Variants in ASTN2 observed in about 807,000 individuals in gnomAD.
The protein encoded by ASTN2 is astrotactin 2, also known as astrotactin-2.
In ASTN2, 54 loss-of-function variants were observed where a neutral mutation model predicts 139.8. The observed-to-expected ratio is 0.39, with a 90% CI of 0.31 to 0.48. The LOEUF is 0.48. ASTN2 is among the 20% of genes least tolerant of loss of function. The pLI is 0.95. For synonymous variants in ASTN2, 756 were observed against 719.5 expected, an observed-to-expected ratio of 1.05 and a Z score of -0.81; for missense variants, 1,565 against 1,725.1, an observed-to-expected ratio of 0.91 and a Z score of 1.64.
chr9:117,120,407 A>G (rs1564435767), intron 4 of ASTN2, among the ~76,000 whole-genome samples: 1 of 152,120 alleles, frequency 6.6e-6, no homozygotes, highest in Non-Finnish European at 1.5e-5. Context: ...GTATACAGTA[A>G]TGTCTCCTCT....
rs1325765758 is a variant in ASTN2, at chr9:117,414,953, C to A, written c.-15G>T. On this transcript the variant is annotated 5_prime_UTR_variant, in exon 1 of 23. Coordinates refer to ENST00000313400, the MANE Select transcript of ASTN2 (RefSeq NM_001365068.1). The surrounding 1 kb of genome is among the most constrained non-coding windows in gnomAD (Gnocchi z 4.2). ...GCGGCGGCCATGGCGGGAGGGGCTGCGGTGCTGCGGGCGGCGGCGGCGGTG... is the reference window on the plus strand; with the variant it reads ...GCGGCGGCCATGGCGGGAGGGGCTGAGGTGCTGCGGGCGGCGGCGGCGGTG... 3.8e-6 allele frequency: 1 copy of A among 259,854 alleles called. No homozygotes were observed. Among genetic ancestry groups the A allele is most frequent in the Non-Finnish European group, 6.4e-6 (1 of 156,146 alleles). 16.1% of individuals were successfully genotyped at this position (259,854 alleles called of 1,614,324 possible).
intron 19 of ASTN2, among the ~76,000 whole-genome samples, chr9:116,599,924 C>T (rs929938403): frequency 6.6e-6 from 1 of 152,130 alleles, no homozygotes; most frequent in Admixed American, 6.5e-5. Flanking sequence ...AGCCATCCGT[C>T]TAAGTGGACA....
At chr9:117,262,409 A>ATT (rs1244281307) in intron 2 of ASTN2, among the ~76,000 whole-genome samples, 14 of 79,476 alleles carry the variant, frequency 1.8e-4, no homozygotes, top group Admixed American at 1.4e-3. Flanking sequence ...TTATTTATTT[A>ATT]TTTATTTATT....
At chr9:116,726,702 T>A (rs1430353192) in intron 15 of ASTN2, among the ~76,000 whole-genome samples, 1 of 152,074 alleles carries the variant, frequency 6.6e-6, no homozygotes, top group South Asian at 2.1e-4. Context: ...GCTCTATTTC[T>A]TAGTCCTAGG....
intron 1 of ASTN2, among the ~76,000 whole-genome samples, chr9:117,366,224 A>G (rs759357359): frequency 2.0e-5 from 3 of 152,156 alleles, no homozygotes; most frequent in Non-Finnish European, 2.9e-5. Context: ...GTCCCAATTA[A>G]TACACTCAAT....
chr9:116,839,853 T>C (rs2132300176), intron 11 of ASTN2, among the ~76,000 whole-genome samples: 1 of 124,382 alleles, frequency 8.0e-6, no homozygotes, highest in African/African-American at 3.4e-5. Flanking sequence ...TTATTTTATT[T>C]TATTTCATTA....
chr9:116,949,901 A>T (rs1232438886), intron 10 of ASTN2, among the ~76,000 whole-genome samples: 1 of 152,220 alleles, frequency 6.6e-6, no homozygotes, highest in African/African-American at 2.4e-5. Context: ...GGATTAAATA[A>T]GGCAACTGTA....
chr9:116,669,143 A>AG (rs112954324), intron 16 of ASTN2, among the ~76,000 whole-genome samples: 5 of 152,296 alleles, frequency 3.3e-5, no homozygotes, highest in African/African-American at 1.2e-4. Context: ...CACCATTGCC[A>AG]TGGCAACACC....
At chr9:116,898,918 T>G (rs767199926) in intron 10 of ASTN2, among the ~76,000 whole-genome samples, 5 of 152,148 alleles carry the variant, frequency 3.3e-5, no homozygotes, top group Non-Finnish European at 7.4e-5. Context: ...GTGATCCTCT[T>G]TCTTGCCTTG....
intron 11 of ASTN2, among the ~76,000 whole-genome samples, chr9:116,824,281 C>G (rs1003101770): frequency 6.6e-6 from 1 of 152,224 alleles, no homozygotes; most frequent in East Asian, 1.9e-4. Flanking sequence ...CCCTCCTACA[C>G]TGCACCAGAA....
At position 116,442,565 on chromosome 9, in the gene ASTN2, CAAG is replaced by C. The variant is rs766103286; in HGVS notation, c.3498-15_3498-13del. The C allele has an allele frequency of 1.2e-6, 2 of 1,612,718 alleles. No homozygotes were observed. The highest frequency in any genetic ancestry group is 1.3e-5 in the African/African-American group (1 of 74,958). On this transcript the variant is annotated splice_polypyrimidine_tract_variant and intron_variant, in intron 20 of 22. Transcript: ENST00000313400. ...CATACAGAGTGAACCTGCAGCACAG[CAAG>C]AAAACAGAGCACCAGGCTGTGACTT... is the stretch of plus-strand genomic sequence containing the variant.
At chr9:117,331,614 G>A (rs1828710079) in intron 1 of ASTN2, among the ~76,000 whole-genome samples, 1 of 152,126 alleles carries the variant, frequency 6.6e-6, no homozygotes, top group African/African-American at 2.4e-5. Context: ...TAAATAAATG[G>A]GTGGTGTGCA....
At chr9:117,047,993 C>T (rs946227991) in intron 5 of ASTN2, among the ~76,000 whole-genome samples, 1 of 152,146 alleles carries the variant, frequency 6.6e-6, no homozygotes, top group African/African-American at 2.4e-5. Flanking sequence ...TACTATCACT[C>T]ACATTTTTCG....
intron 2 of ASTN2, among the ~76,000 whole-genome samples, chr9:117,239,861 C>T (rs1833155002): frequency 6.6e-6 from 1 of 152,130 alleles, no homozygotes; most frequent in Non-Finnish European, 1.5e-5. Context: ...AAAGCATTTG[C>T]TGTGTGTTTA....
intron 2 of ASTN2, among the ~76,000 whole-genome samples, chr9:117,217,947 C>T (rs916100019): frequency 2.6e-5 from 4 of 152,188 alleles, no homozygotes; most frequent in African/African-American, 9.6e-5. Flanking sequence ...CACCTATCAT[C>T]ATCCTACATT....
chr9:117,378,524 A>G (rs1311877168), intron 1 of ASTN2, among the ~76,000 whole-genome samples: 1 of 152,192 alleles, frequency 6.6e-6, no homozygotes, highest in African/African-American at 2.4e-5. Flanking sequence ...TCAGGGAGAC[A>G]TTACGAACAT....
chr9:116,944,681 C>CAAAA (rs34943919), intron 10 of ASTN2, among the ~76,000 whole-genome samples: 10 of 53,258 alleles, frequency 1.9e-4, no homozygotes, highest in Non-Finnish European at 2.9e-4. Context: ...GACTCTGTCT[C>CAAAA]AAAAAAAAAA....
At chr9:116,999,912 G>A (rs1335051498) in intron 7 of ASTN2, among the ~76,000 whole-genome samples, 1 of 152,052 alleles carries the variant, frequency 6.6e-6, no homozygotes, top group Non-Finnish European at 1.5e-5. Context: ...CTAAATAAAA[G>A]TTCAGCAGAT....
intron 5 of ASTN2, among the ~76,000 whole-genome samples, chr9:117,070,185 G>A (rs1345845627): frequency 7.7e-6 from 1 of 129,770 alleles, no homozygotes; most frequent in Non-Finnish European, 1.6e-5. Flanking sequence ...TCCTTCAGGA[G>A]CTCTTTTAGG....
Sources: gnomAD v4.1 joint callset for allele counts (sites outside exome capture counted in the v4.1 genomes callset) on GRCh38, gnomAD v4.1.1 for gene constraint, Gnocchi (gnomAD v3.1) non-coding constraint, MANE v1.5 for transcripts, NCBI Gene and HGNC (gene_info 2026-07-23, HGNC 2026-07-21) for gene names.